SEM1: variants seen among roughly 807,000 people sequenced by gnomAD.
The protein encoded by SEM1 is SEM1 26S proteasome subunit, also known as 26S proteasome complex subunit SEM1.
A neutral mutation model predicts 12.7 loss-of-function variants in SEM1; 3 were observed. The observed-to-expected ratio is 0.24, with a 90% CI of 0.11 to 0.61. SEM1 has a LOEUF of 0.61. Ranked by LOEUF, SEM1 falls within the 20% of genes least tolerant of loss-of-function variation. The pLI is 0.88. For missense variants in SEM1, 59 were observed against 81.3 expected, an observed-to-expected ratio of 0.73 and a Z score of 1.06; for synonymous variants, 30 against 27.8, an observed-to-expected ratio of 1.08 and a Z score of -0.25.
chr7:96,585,575 G>A (rs1806594837), intron 2 of SEM1, among the ~76,000 whole-genome samples: 1 of 152,238 alleles, frequency 6.6e-6, no homozygotes, highest in South Asian at 2.1e-4. Context: ...CCTCGCTGCT[G>A]CCTTGCAGTT....
At chr7:96,539,375 T>C (rs1804881018) in intron 2 of SEM1, among the ~76,000 whole-genome samples, 1 of 151,806 alleles carries the variant, frequency 6.6e-6, no homozygotes, top group Non-Finnish European at 1.5e-5. Context: ...ATAACTAATA[T>C]AATATATACC....
At chr7:96,663,755 G>A (rs932741359) in intron 2 of SEM1, among the ~76,000 whole-genome samples, 2 of 152,114 alleles carry the variant, frequency 1.3e-5, no homozygotes, top group Non-Finnish European at 2.9e-5. Flanking sequence ...ACTTGAAGGA[G>A]TAACAGAAGA....
intron 2 of SEM1, among the ~76,000 whole-genome samples, chr7:96,633,146 T>G (rs1464723301): frequency 2.0e-5 from 3 of 152,078 alleles, no homozygotes; most frequent in Non-Finnish European, 4.4e-5. Context: ...ATCAGAATAT[T>G]TCAAACCTCA....
chr7:96,585,443 A>C (rs2116093486), intron 2 of SEM1, among the ~76,000 whole-genome samples: 1 of 142,910 alleles, frequency 7.0e-6, no homozygotes, highest in South Asian at 2.2e-4. Context: ...CTGCCCCCAG[A>C]GGTGGAGCCT....
chr7:96,525,322 ACT>A (rs2115671473), intron 2 of SEM1, among the ~76,000 whole-genome samples: 1 of 150,982 alleles, frequency 6.6e-6, no homozygotes, highest in East Asian at 2.0e-4. Context: ...AGAATTGGAA[ACT>A]CTGTGGGTGG....
downstream of SEM1, among the ~76,000 whole-genome samples, chr7:96,621,260 C>A (rs10249972): frequency 0.025 from 3,790 of 152,144 alleles, 134 homozygotes; most frequent in African/African-American, 0.087. Flanking sequence ...TATAATTAAG[C>A]AATATCAAAC....
Position 96,556,886 on chromosome 7 carries a change from A to G in SEM1, c.171-50188T>C, listed in dbSNP as rs575949256. On this transcript the variant is annotated intron_variant and NMD_transcript_variant, in intron 2 of 3. Transcript: ENST00000466986. The stretch of plus-strand genomic sequence containing the variant: ...CCCATATTTCTTGGAGGCTTTGCTC[A>G]TTTCTTTTTATTCTTTTTTCTCTAA... Among the ~76,000 whole-genome samples, 334 of 135,222 alleles carry G rather than the reference A, an allele frequency of 2.5e-3. 2 individuals carry two copies. The highest frequency in any genetic ancestry group is 0.011 in the South Asian group (40 of 3,798). The allele number at this position is 135,222 out of a possible 152,430, so 88.7% of individuals were successfully genotyped here.
At chr7:96,623,938 A>G (rs1050329879) in intron 2 of SEM1, among the ~76,000 whole-genome samples, 1 of 152,112 alleles carries the variant, frequency 6.6e-6, no homozygotes, top group African/African-American at 2.4e-5. Flanking sequence ...AGGAACTTGC[A>G]TGTCAAATCT....
intron 1 of SEM1, among the ~76,000 whole-genome samples, chr7:96,702,011 G>A (rs1790287230): frequency 6.6e-6 from 1 of 152,106 alleles, no homozygotes; most frequent in Non-Finnish European, 1.5e-5. Flanking sequence ...CTAGAGGATG[G>A]GAGGGTGGCC....
At chr7:96,514,614 C>G (rs190679817) in intron 2 of SEM1, among the ~76,000 whole-genome samples, 25 of 152,116 alleles carry the variant, frequency 1.6e-4, no homozygotes, top group Admixed American at 7.9e-4. Context: ...TATATACCAG[C>G]AACGAACAAG....
chr7:96,587,872 C>CA lies in SEM1; in HGVS notation c.171-81175dup, dbSNP rs1806691826. 2.6e-5 allele frequency among the ~76,000 whole-genome samples: 4 copies of CA among 152,280 alleles called. No homozygotes were observed. The South Asian group carries it at 8.3e-4, about 32-fold the overall frequency. On this transcript the variant is annotated intron_variant and NMD_transcript_variant, in intron 2 of 3. Transcript: ENST00000466986. ...AATAAATTTGACATCTTCCCACAGA[C>CA]ACTGAAGAGATATTTAACACATACT...
At chr7:96,608,403 T>G (rs1807448224) in intron 2 of SEM1, among the ~76,000 whole-genome samples, 1 of 152,210 alleles carries the variant, frequency 6.6e-6, no homozygotes, top group Non-Finnish European at 1.5e-5. Context: ...ATGATCCTTT[T>G]GTATTTAAAA....
At chr7:96,482,358 G>A (rs574853465) in exon 4 of SEM1, 7 of 152,232 alleles carry the variant, frequency 4.6e-5, no homozygotes, top group African/African-American at 1.7e-4. Context: ...GGTGATTGTG[G>A]TATGTGGAGC....
chr7:96,561,508 T>C (rs1475811804), intron 2 of SEM1, among the ~76,000 whole-genome samples: 1 of 152,210 alleles, frequency 6.6e-6, no homozygotes, highest in Non-Finnish European at 1.5e-5. Flanking sequence ...CTTCGACGCC[T>C]ATAACCTGCT....
chr7:96,657,706 G>A (rs982185880), intron 2 of SEM1, among the ~76,000 whole-genome samples: 2 of 152,192 alleles, frequency 1.3e-5, no homozygotes, highest in Non-Finnish European at 2.9e-5. Flanking sequence ...TTCATGCAGG[G>A]AAGTTGAGTC....
intron 2 of SEM1, among the ~76,000 whole-genome samples, chr7:96,657,876 G>T (rs765664582): frequency 6.6e-6 from 1 of 152,108 alleles, no homozygotes; most frequent in South Asian, 2.1e-4. Context: ...TCTGAAAGGC[G>T]CCTGGTGGGG....
chr7:96,585,180 T>A (rs1424833679), intron 2 of SEM1, among the ~76,000 whole-genome samples: 1 of 152,220 alleles, frequency 6.6e-6, no homozygotes, highest in African/African-American at 2.4e-5. Context: ...TTAGTTTTCC[T>A]TCTAACAGAC....
At chr7:96,602,701 T>G (rs557444101) in intron 2 of SEM1, among the ~76,000 whole-genome samples, 5 of 152,340 alleles carry the variant, frequency 3.3e-5, no homozygotes, top group South Asian at 4.1e-4. Context: ...CATTGGTAAA[T>G]CTGAATCTGA....
At chr7:96,705,837 T>C (rs1790440263) in intron 1 of SEM1, among the ~76,000 whole-genome samples, 1 of 151,862 alleles carries the variant, frequency 6.6e-6, no homozygotes, top group Non-Finnish European at 1.5e-5. Context: ...AAAAAAAAGT[T>C]TTAAATAAAT....
Sources: gnomAD v4.1 joint callset for allele counts (sites outside exome capture counted in the v4.1 genomes callset) on GRCh38, gnomAD v4.1.1 for gene constraint, MANE v1.5 for transcripts, NCBI Gene and HGNC (gene_info 2026-07-23, HGNC 2026-07-21) for gene names.